KRT72: variants seen among roughly 807,000 people sequenced by gnomAD.
KRT72 encodes keratin, type II cytoskeletal 72.
A neutral mutation model predicts 44.7 loss-of-function variants in KRT72; 44 were observed. The ratio of observed to expected loss-of-function variants is 0.98; its 90% CI spans 0.77 to 1.27. The LOEUF (loss-of-function observed/expected upper bound fraction) is 1.27, where lower values mean the gene tolerates loss of function less well. KRT72 is among the 50% of genes most tolerant of loss of function. KRT72 has a pLI of 0.00. For synonymous variants in KRT72, 302 were observed against 280.4 expected (o/e 1.08, Z -0.77); for missense variants, 736 against 667.1 (o/e 1.10, Z -1.14).
At chr12:52,594,409 C>G (rs1353355802) in intron 2 of KRT72, among the ~76,000 whole-genome samples, 1 of 151,736 alleles carries the variant, frequency 6.6e-6, no homozygotes, top group Non-Finnish European at 1.5e-5. Flanking sequence ...CACATCTACA[C>G]CATGGAATAC....
chr12:52,599,325 C>T (rs1940331606), intron 1 of KRT72: 1 of 633,302 alleles, frequency 1.6e-6, no homozygotes, highest in Admixed American at 2.1e-5. Context: ...AGGAAGAGGG[C>T]TTAAGCAATG....
Position 52,592,499 on chromosome 12 carries a change from C to T in KRT72, c.703-8G>A. 6.2e-7 allele frequency: 1 copy of T among 1,611,872 alleles called. No individual in the cohort carries two copies. The stretch of plus-strand genomic sequence containing the variant: ...GTAAGCAGCATCCACGTCCTGGGAG[C>T]ACATGATAGTCAAGCCGCCCTGAGA... On this transcript the variant is annotated splice_region_variant and splice_polypyrimidine_tract_variant and intron_variant, in intron 3 of 8. Transcript: ENST00000293745.
rs1182154425 is a variant in KRT72 at position 52,586,180 on chromosome 12, G to A, written c.1346-8C>T. 4 of 1,610,584 alleles carry A rather than the reference G, an allele frequency of 2.5e-6. No individual in the cohort carries two copies. In the African/African-American group the frequency reaches 4.0e-5, roughly 16 times the overall value. On this transcript the variant is annotated splice_polypyrimidine_tract_variant and splice_region_variant and intron_variant, in intron 8 of 8. Transcript: ENST00000293745. ...TGGTGCTGCTGATGACGGCTGGAATGGATGAGAGAAGACCTCAGCCCCCGT... is the reference window on the plus strand; with the variant it reads ...TGGTGCTGCTGATGACGGCTGGAATAGATGAGAGAAGACCTCAGCCCCCGT...
Position 52,592,955 on chromosome 12 carries a change from G to T in KRT72, c.642-3C>A, listed in dbSNP as rs541197682. 2 of 1,612,648 alleles carry T rather than the reference G, an allele frequency of 1.2e-6. No homozygotes were observed. Among genetic ancestry groups the T allele is most frequent in the Non-Finnish European group, 1.7e-6 (2 of 1,179,298 alleles). On this transcript the variant is annotated splice_region_variant and splice_polypyrimidine_tract_variant and intron_variant, in intron 2 of 8. Coordinates refer to ENST00000293745, the MANE Select transcript of KRT72 (RefSeq NM_080747.3). ...GTCTGTTAATCTCCACCTCATACCT[G>T]CATGGGGCAAGACAATGAGGTAATT...
At chr12:52,600,412 G>C (rs1940383780) in intron 1 of KRT72, among the ~76,000 whole-genome samples, 1 of 152,146 alleles carries the variant, frequency 6.6e-6, no homozygotes, top group Non-Finnish European at 1.5e-5. Flanking sequence ...TCTCATGCAA[G>C]AAAGAAATGA....
intron 2 of KRT72, 43 bp from the exon 3 acceptor site, chr12:52,592,995 C>G (rs751338586): frequency 1.3e-5 from 20 of 1,577,390 alleles, no homozygotes; most frequent in Non-Finnish European, 1.7e-5. Flanking sequence ...TCTGCAAACA[C>G]TCACTGAACA....
chr12:52,592,545 T>C (rs1592227460), intron 3 of KRT72, 54 bp from the exon 4 acceptor site: 1 of 1,149,166 alleles, frequency 8.7e-7, no homozygotes. Context: ...TGCCCATCCC[T>C]CCCTCCCTGC....
intron 1 of KRT72, among the ~76,000 whole-genome samples, chr12:52,600,123 C>T (rs147194175): frequency 9.7e-4 from 147 of 152,212 alleles, no homozygotes; most frequent in African/African-American, 3.3e-3. Context: ...GGATGCCCCA[C>T]CCTCAGCACA....
chr12:52,587,523 A>C, intron 7 of KRT72, 108 bp downstream of exon 7: 1 of 1,170,832 alleles, frequency 8.5e-7, no homozygotes, highest in Non-Finnish European at 1.3e-6. Flanking sequence ...CATTTGCTGT[A>C]TGGTTTTACT....
intron 6 of KRT72, among the ~76,000 whole-genome samples, chr12:52,589,675 G>A (rs980085070): frequency 6.6e-6 from 1 of 152,116 alleles, no homozygotes; most frequent in Non-Finnish European, 1.5e-5. Flanking sequence ...AGGCCAGAAG[G>A]GCAGGAAGCA....
At position 52,585,847 on chromosome 12, in the gene KRT72, C is replaced by T. The variant is rs1939717540; in HGVS notation, c.*135G>A. On this transcript the variant is annotated 3_prime_UTR_variant, in exon 9 of 9. Transcript: ENST00000293745. ...TCGAAGCATCACACCTTGAGGACAA[C>T]AGGGAGAGGAAATGGGGTTGGGACT... The T allele has an allele frequency of 3.8e-6, 3 of 798,058 alleles. No homozygotes were observed. Among genetic ancestry groups the T allele is most frequent in the Non-Finnish European group, 6.2e-6 (3 of 485,630 alleles). The allele number at this position is 798,058 out of a possible 1,614,324, so 49.4% of individuals were successfully genotyped here.
In KRT72 at chr12:52,601,418, T is replaced by TC; in HGVS notation, c.34dup (p.Glu12GlyfsTer166). On this transcript the variant is annotated frameshift_variant, in exon 1 of 9. Coordinates refer to ENST00000293745, the MANE Select transcript of KRT72 (RefSeq NM_080747.3). LOFTEE classifies it high-confidence loss of function. Reference sequence around the variant, plus strand: ...GGAGCAACCGCTGAAGCCCAGGCGCTCCCCGCGGGGGAAATGGGTCAGTTG... The same window carrying TC: ...GGAGCAACCGCTGAAGCCCAGGCGCTCCCCCGCGGGGGAAATGGGTCAGTTG... The TC allele has an allele frequency of 5.8e-6, 9 of 1,539,528 alleles. No homozygotes were observed. The highest frequency in any genetic ancestry group is 7.8e-6 in the Non-Finnish European group (9 of 1,147,224).
intron 2 of KRT72, among the ~76,000 whole-genome samples, chr12:52,598,573 G>T (rs1940298036): frequency 6.6e-6 from 1 of 152,160 alleles, no homozygotes. Context: ...CCCTGGAATT[G>T]GTGGGGTGTC....
chr12:52,600,739 T>C lies in KRT72; in HGVS notation c.426+288A>G, dbSNP rs374332339. Among the ~76,000 whole-genome samples, 148 of 151,862 alleles carry C rather than the reference T, an allele frequency of 9.7e-4. No individual in the cohort carries two copies. The Middle Eastern group carries it at 0.014, about 14-fold the overall frequency. Reference sequence around the variant, plus strand: ...GTCCAATGAAACCTCTTTTTTTTTTTCCCAGTCTCGGGTATGTCTTTATCA... The same window carrying C: ...GTCCAATGAAACCTCTTTTTTTTTTCCCCAGTCTCGGGTATGTCTTTATCA... On this transcript the variant is annotated intron_variant, in intron 1 of 8. Transcript: ENST00000293745.
chr12:52,596,795 C>T (rs777356237), intron 2 of KRT72, among the ~76,000 whole-genome samples: 16 of 152,108 alleles, frequency 1.1e-4, no homozygotes, highest in African/African-American at 2.2e-4. Context: ...AAATGATCCA[C>T]GTGCCTCAGC....
In KRT72 at chr12:52,596,520, CT is replaced by C. The variant is rs1310859928; in HGVS notation, c.641+2377del. Among the ~76,000 whole-genome samples, 5 of 151,436 alleles carry C rather than the reference CT, an allele frequency of 3.3e-5. No homozygotes were observed. The East Asian group carries it at 9.6e-4, about 29-fold the overall frequency. Reference sequence around the variant, plus strand: ...AAATAAGTCTTTTGACATTTAAAAACTTATGATCACAAAAGGTAAACTTTCT... The same window carrying C: ...AAATAAGTCTTTTGACATTTAAAAACTATGATCACAAAAGGTAAACTTTCT... On this transcript the variant is annotated intron_variant, in intron 2 of 8. Transcript: ENST00000293745.
At chr12:52,587,517 T>C in intron 7 of KRT72, 114 bp downstream of exon 7, 7 of 1,109,494 alleles carry the variant, frequency 6.3e-6, no homozygotes, top group Non-Finnish European at 5.4e-6. Flanking sequence ...CAAGCCCATT[T>C]GCTGTATGGT....
intron 4 of KRT72, 48 bp downstream of exon 4, chr12:52,592,348 T>A (rs617820): frequency 0.77 from 1,043,583 of 1,346,994 alleles, 408,207 homozygotes; most frequent in East Asian, 1. Context: ...GCCAGAAACC[T>A]CTTGTTAAAG....
At chr12:52,586,583 A>G (rs1353371932) in intron 8 of KRT72, among the ~76,000 whole-genome samples, 1 of 152,192 alleles carries the variant, frequency 6.6e-6, no homozygotes, top group East Asian at 1.9e-4. Context: ...CACTCATTCA[A>G]CTATTCCATC....
Sources: gnomAD v4.1 joint callset for allele counts (sites outside exome capture counted in the v4.1 genomes callset) on GRCh38, gnomAD v4.1.1 for gene constraint, MANE v1.5 for transcripts, NCBI Gene and HGNC (gene_info 2026-07-23, HGNC 2026-07-21) for gene names.